PTPRD: variants seen among roughly 807,000 people sequenced by gnomAD.
The protein encoded by PTPRD is protein tyrosine phosphatase receptor type D.
Under a neutral mutation model 214.5 loss-of-function variants are expected in PTPRD, and 34 were observed. That is an observed-to-expected ratio of 0.16 (90% CI 0.12 to 0.21). The LOEUF is 0.21. Ranked by LOEUF, PTPRD falls within the 10% of genes least tolerant of loss-of-function variation. The probability of loss-of-function intolerance (pLI) is 1.00; values close to 1 mark genes in which losing one functional copy is unlikely to be tolerated. For missense variants in PTPRD, 2,545 were observed against 2,398.7 expected (o/e 1.06, Z -1.27); for synonymous variants, 1,128 against 845.7 (o/e 1.33, Z -5.79).
At chr9:10,383,624 A>T (rs990287873) in intron 2 of PTPRD, among the ~76,000 whole-genome samples, 1 of 151,818 alleles carries the variant, frequency 6.6e-6, no homozygotes, top group African/African-American at 2.4e-5. Context: ...AGATCATCAA[A>T]GCACAGTATT....
intron 11 of PTPRD, among the ~76,000 whole-genome samples, chr9:8,963,490 A>C (rs1567268244): frequency 6.6e-6 from 1 of 152,026 alleles, no homozygotes; most frequent in African/African-American, 2.4e-5. Flanking sequence ...TCTATCAAAA[A>C]CTTTTTCCAT....
At position 8,752,310 on chromosome 9, in the gene PTPRD, C is replaced by T. The variant is rs150588176; in HGVS notation, c.-103-18364G>A. Among the ~76,000 whole-genome samples the T allele has an allele frequency of 2.5e-3, 383 of 152,232 alleles. 5 individuals are homozygous for T. The East Asian group carries it at 0.06, about 24-fold the overall frequency. On this transcript the variant is annotated intron_variant, in intron 11 of 45. Transcript: ENST00000381196. Reference sequence around the variant, plus strand: ...GATGGCCATGAGAGTGACCTCTGGTCGTCCTCACTGCTACACTTTCAACAG... The same window carrying T: ...GATGGCCATGAGAGTGACCTCTGGTTGTCCTCACTGCTACACTTTCAACAG...
chr9:9,712,772 G>T (rs2097759817), intron 7 of PTPRD, among the ~76,000 whole-genome samples: 1 of 152,214 alleles, frequency 6.6e-6, no homozygotes, highest in Non-Finnish European at 1.5e-5. Flanking sequence ...TCAATAATAT[G>T]CCAGACCTAC....
rs934868584 is a variant in PTPRD at position 10,136,151 on chromosome 9, A to G, written c.-544-102361T>C. On this transcript the variant is annotated intron_variant, in intron 3 of 45. Coordinates refer to ENST00000381196, the MANE Select transcript of PTPRD (RefSeq NM_002839.4). ...AAAAGGACAGAGCAAGACATTACAT[A>G]ACAATAAAATATTCAATTCAACAAG... Among the ~76,000 whole-genome samples, 6 of 152,108 alleles carry G rather than the reference A, an allele frequency of 3.9e-5. No individual in the cohort carries two copies. In the East Asian group the frequency reaches 1.2e-3, roughly 29 times the overall value.
chr9:8,448,239 G>T (rs1168673149), intron 34 of PTPRD, among the ~76,000 whole-genome samples: 2 of 152,084 alleles, frequency 1.3e-5, no homozygotes, highest in Non-Finnish European at 2.9e-5. Context: ...GAGGTAGGGG[G>T]ATCACCTGAT....
chr9:8,562,657 A>C (rs889966219), intron 14 of PTPRD, among the ~76,000 whole-genome samples: 1 of 152,086 alleles, frequency 6.6e-6, no homozygotes, highest in Admixed American at 6.5e-5. Flanking sequence ...GGCTGGTTTC[A>C]AACTCCTGAG....
At chr9:10,414,257 A>T (rs2098465953) in intron 2 of PTPRD, among the ~76,000 whole-genome samples, 2 of 152,010 alleles carry the variant, frequency 1.3e-5, no homozygotes, top group East Asian at 2.0e-4. Flanking sequence ...AATAAAAATT[A>T]AAAAACCATT....
At chr9:9,006,414 C>T (rs1240525577) in intron 11 of PTPRD, among the ~76,000 whole-genome samples, 3 of 152,008 alleles carry the variant, frequency 2.0e-5, no homozygotes, top group Non-Finnish European at 4.4e-5. Flanking sequence ...ATAGACAAGG[C>T]ACAAATCATT....
At chr9:9,161,727 G>C (rs181630729) in intron 10 of PTPRD, among the ~76,000 whole-genome samples, 3 of 151,992 alleles carry the variant, frequency 2.0e-5, no homozygotes, top group Non-Finnish European at 4.4e-5. Context: ...CAAAATTATA[G>C]ATACATTTAA....
intron 36 of PTPRD, among the ~76,000 whole-genome samples, chr9:8,395,882 G>T (rs558376470): frequency 6.6e-6 from 1 of 152,102 alleles, no homozygotes; most frequent in East Asian, 1.9e-4. Context: ...AACATGAGTT[G>T]GGGAATTACC....
chr9:8,564,143 T>C lies in PTPRD; in HGVS notation c.353-35364A>G, dbSNP rs370767970. ...CCAGTCAGCCACATGATCTGGAGGA[T>C]AAGCAACCAATACACTATATGTACT... On this transcript the variant is annotated intron_variant, in intron 14 of 45. Coordinates refer to ENST00000381196, the MANE Select transcript of PTPRD (RefSeq NM_002839.4). Among the ~76,000 whole-genome samples, 62 of 93,888 alleles carry C rather than the reference T, an allele frequency of 6.6e-4. No homozygotes were observed. In the East Asian group the frequency reaches 0.014, roughly 22 times the overall value. The allele number at this position is 93,888 out of a possible 152,430, so 61.6% of individuals were successfully genotyped here. A position where few individuals can be genotyped will look rare whatever the true frequency, so the allele number is the denominator to read the frequency against.
chr9:9,847,916 G>T (rs1025856970), intron 5 of PTPRD, among the ~76,000 whole-genome samples: 2 of 152,060 alleles, frequency 1.3e-5, no homozygotes, highest in Non-Finnish European at 2.9e-5. Context: ...GCAGATCCAC[G>T]TGATGAAGCT....
At chr9:9,984,433 G>A (rs990078549) in intron 4 of PTPRD, among the ~76,000 whole-genome samples, 1 of 152,158 alleles carries the variant, frequency 6.6e-6, no homozygotes, top group Non-Finnish European at 1.5e-5. Flanking sequence ...CCCACAGGAT[G>A]ACAGAGAAAT....
rs1024237839 is a variant in PTPRD at position 10,612,970 on chromosome 9, C to G, written c.-990G>C. Among the ~76,000 whole-genome samples the G allele has an allele frequency of 4.0e-5, 6 of 151,354 alleles. No homozygotes were observed. The highest frequency in any genetic ancestry group is 7.4e-5 in the Non-Finnish European group (5 of 67,780). ...CCGCTCCCGCACTCGCTCGCTCGCTCGCTGGCGCTCCCTCCTCGTCTCGCT... is the reference window on the plus strand; with the variant it reads ...CCGCTCCCGCACTCGCTCGCTCGCTGGCTGGCGCTCCCTCCTCGTCTCGCT... On this transcript the variant is annotated 5_prime_UTR_variant, in exon 1 of 46. Transcript: ENST00000381196.
At chr9:9,458,407 A>T (rs984137637) in intron 8 of PTPRD, among the ~76,000 whole-genome samples, 2 of 152,124 alleles carry the variant, frequency 1.3e-5, no homozygotes, top group African/African-American at 2.4e-5. Flanking sequence ...TAACAAAAAA[A>T]AATTGTAAAT....
intron 26 of PTPRD, among the ~76,000 whole-genome samples, chr9:8,494,231 A>G (rs2097210851): frequency 6.6e-6 from 1 of 152,176 alleles, no homozygotes; most frequent in Non-Finnish European, 1.5e-5. Flanking sequence ...GTAGAGCTCA[A>G]TTGTTGAAGC....
chr9:8,398,923 ACTAAG>A (rs1589481185), intron 36 of PTPRD, among the ~76,000 whole-genome samples: 1 of 152,208 alleles, frequency 6.6e-6, no homozygotes, highest in East Asian at 1.9e-4. Flanking sequence ...TCCCTATTTT[ACTAAG>A]CTTTTTAAAA....
intron 10 of PTPRD, among the ~76,000 whole-genome samples, chr9:9,034,932 G>A (rs1344412300): frequency 1.3e-5 from 2 of 152,090 alleles, no homozygotes; most frequent in Non-Finnish European, 2.9e-5. Flanking sequence ...TTCAGTGCCT[G>A]GTGCAGTCTG....
intron 8 of PTPRD, among the ~76,000 whole-genome samples, chr9:9,471,770 G>A (rs1213260080): frequency 1.0e-5 from 1 of 99,786 alleles, no homozygotes; most frequent in African/African-American, 3.2e-5. Context: ...ATGCACTTTA[G>A]GCATTCACCC....
Sources: allele counts gnomAD v4.1 joint callset (sites outside exome capture counted in the v4.1 genomes callset), GRCh38; gene constraint gnomAD v4.1.1; transcripts MANE v1.5; gene names NCBI Gene and HGNC (gene_info 2026-07-23, HGNC 2026-07-21).